Variants in GMPR observed in about 807,000 individuals in gnomAD.
The protein encoded by GMPR is guanosine monophosphate reductase, also known as GMP reductase 1.
A neutral mutation model predicts 38.4 loss-of-function variants in GMPR; 31 were observed. The observed-to-expected ratio is 0.81, with a 90% CI of 0.61 to 1.09. The LOEUF (loss-of-function observed/expected upper bound fraction) is 1.09. GMPR is among the 50% of genes least tolerant of loss of function. The pLI, the probability that GMPR is intolerant of heterozygous loss-of-function variation, is 0.00. For synonymous variants in GMPR, 162 were observed against 173.3 expected, an observed-to-expected ratio of 0.93 and a Z score of 0.51; for missense variants, 468 against 453.7, an observed-to-expected ratio of 1.03 and a Z score of -0.29.
chr6:16,254,728 C>T lies in GMPR; in HGVS notation c.458C>T (p.Thr153Ile), dbSNP rs1205382990. The T allele has an allele frequency of 9.3e-6, 15 of 1,610,442 alleles. No individual in the cohort carries two copies. The highest frequency in any genetic ancestry group is 1.3e-5 in the Non-Finnish European group (15 of 1,176,754). ...KLVRAKFPEH[T>I]IMAGNVVTGE... ...GTCCGTGCCAAATTTCCTGAACACA[C>T]CATTATGGTAAGTACGGTAGAACAT... Residue 153 changes from threonine (T) to isoleucine (I), a missense_variant, in exon 4 of 9, where the codon ACC becomes ATC. Thr to Ile is a moderately conservative substitution (Grantham distance 89). Transcript: ENST00000259727.
At chr6:16,289,092 C>A (rs774062404) in intron 7 of GMPR, among the ~76,000 whole-genome samples, 1 of 152,178 alleles carries the variant, frequency 6.6e-6, no homozygotes, top group African/African-American at 2.4e-5. Flanking sequence ...TCGCTCTTTG[C>A]AATAGATTCT....
At chr6:16,278,714 G>T (rs747136743) in intron 5 of GMPR, 70 bp from the exon 6 acceptor site, 66 of 1,055,872 alleles carry the variant, frequency 6.3e-5, no homozygotes, top group Admixed American at 1.9e-4. Context: ...AAGGTAAGGG[G>T]GACGCATTTC....
chr6:16,285,862 A>AG, intron 7 of GMPR, 27 bp downstream of exon 7: 1 of 1,585,016 alleles, frequency 6.3e-7, no homozygotes, highest in Admixed American at 1.7e-5. Flanking sequence ...GTGCAGAGGG[A>AG]GGGAAGGAAG....
At chr6:16,239,816 G>A (rs201337948) in intron 1 of GMPR, among the ~76,000 whole-genome samples, 2 of 152,254 alleles carry the variant, frequency 1.3e-5, no homozygotes, top group Non-Finnish European at 2.9e-5. Flanking sequence ...GGAAGCCTCC[G>A]CGTTAGCCAA....
At chr6:16,259,359 G>A (rs538483779) in intron 4 of GMPR, 18 of 152,112 alleles carry the variant, frequency 1.2e-4, no homozygotes, top group African/African-American at 3.1e-4. Context: ...GGCAGGAACC[G>A]GCCATCTGGA....
intron 1 of GMPR, among the ~76,000 whole-genome samples, chr6:16,243,353 C>G (rs1486397504): frequency 1.3e-5 from 2 of 152,128 alleles, no homozygotes; most frequent in Non-Finnish European, 2.9e-5. Flanking sequence ...CCCTGCGGCT[C>G]TCTGGTAGCA....
At chr6:16,268,245 A>G (rs1759307018) in intron 4 of GMPR, among the ~76,000 whole-genome samples, 1 of 152,218 alleles carries the variant, frequency 6.6e-6, no homozygotes, top group Non-Finnish European at 1.5e-5. Flanking sequence ...CTGGATAGCA[A>G]CTATTTTTCC....
chr6:16,265,815 T>C (rs1459383650), intron 4 of GMPR, among the ~76,000 whole-genome samples: 1 of 152,240 alleles, frequency 6.6e-6, no homozygotes. Flanking sequence ...TCCGGAACCC[T>C]TCCACGCCAT....
intron 4 of GMPR, among the ~76,000 whole-genome samples, chr6:16,269,959 G>A (rs1015267634): frequency 1.3e-4 from 20 of 152,136 alleles, no homozygotes; most frequent in Admixed American, 1.3e-3. Context: ...ATCTCTCTCA[G>A]TCCTCTCTTA....
chr6:16,266,724 T>G (rs1006307572), intron 4 of GMPR, among the ~76,000 whole-genome samples: 1 of 150,796 alleles, frequency 6.6e-6, no homozygotes, highest in South Asian at 2.1e-4. Context: ...GGCAGGAGAA[T>G]TGCATGAACC....
At chr6:16,268,539 C>T (rs1759315234) in intron 4 of GMPR, among the ~76,000 whole-genome samples, 2 of 152,170 alleles carry the variant, frequency 1.3e-5, no homozygotes, top group South Asian at 4.1e-4. Context: ...CTCAGCCTCC[C>T]AAAGTGTTGG....
At chr6:16,272,070 G>A (rs1759398223) in intron 4 of GMPR, among the ~76,000 whole-genome samples, 1 of 152,088 alleles carries the variant, frequency 6.6e-6, no homozygotes, top group Non-Finnish European at 1.5e-5. Flanking sequence ...AATTAGCCAG[G>A]CAGTGGGGGC....
Position 16,295,265 on chromosome 6 carries a change from T to A in GMPR, c.*79T>A. 1 of 1,087,898 alleles carries A rather than the reference T, an allele frequency of 9.2e-7. No homozygotes were observed. The highest frequency in any genetic ancestry group is 1.3e-6 in the Non-Finnish European group (1 of 790,662). The allele number at this position is 1,087,898 out of a possible 1,614,324, so 67.4% of individuals were successfully genotyped here. ...CCCATCTCCCCCCAAGTCTGTTCCG[T>A]CAGAGCTTCTGGCTGCTCCTGAATG... On this transcript the variant is annotated 3_prime_UTR_variant, in exon 9 of 9. Transcript: ENST00000259727.
chr6:16,293,513 A>T (rs1207386996), intron 8 of GMPR, among the ~76,000 whole-genome samples: 1 of 152,244 alleles, frequency 6.6e-6, no homozygotes, highest in Non-Finnish European at 1.5e-5. Context: ...CCAAGAGTTA[A>T]GCCCCTTTTG....
At chr6:16,258,744 TGG>T in intron 4 of GMPR, among the ~76,000 whole-genome samples, 1 of 152,250 alleles carries the variant, frequency 6.6e-6, no homozygotes, top group East Asian at 1.9e-4. Context: ...CCTTGGTTTT[TGG>T]TGTTTTTGAA....
At chr6:16,261,796 C>A (rs528931361) in intron 4 of GMPR, among the ~76,000 whole-genome samples, 1 of 151,746 alleles carries the variant, frequency 6.6e-6, no homozygotes, top group Non-Finnish European at 1.5e-5. Flanking sequence ...GGTGCATGAT[C>A]GGTCACCAAG....
chr6:16,266,676 T>G (rs553519720), intron 4 of GMPR, among the ~76,000 whole-genome samples: 9 of 151,552 alleles, frequency 5.9e-5, no homozygotes, highest in East Asian at 3.9e-4. Flanking sequence ...CCGGGCGCAG[T>G]GGCGGGCGCC....
In GMPR at chr6:16,246,970, G is replaced by A. The variant is rs909909360; in HGVS notation, c.207+9G>A. Reference sequence around the variant, plus strand: ...CAGCCGTGATGTCACAGGTGAGGCGGTAGGCTTTTGTTTTTTCCCTTTGCT... The same window carrying A: ...CAGCCGTGATGTCACAGGTGAGGCGATAGGCTTTTGTTTTTTCCCTTTGCT... On this transcript the variant is annotated intron_variant, in intron 2 of 8. Coordinates refer to ENST00000259727, the MANE Select transcript of GMPR (RefSeq NM_006877.4). The A allele has an allele frequency of 1.2e-6, 2 of 1,611,710 alleles. No homozygotes were observed. The highest frequency in any genetic ancestry group is 3.4e-5 in the Admixed American group (2 of 59,402).
intron 4 of GMPR, among the ~76,000 whole-genome samples, chr6:16,259,574 C>A (rs1759042628): frequency 6.6e-6 from 1 of 151,802 alleles, no homozygotes; most frequent in Non-Finnish European, 1.5e-5. Context: ...GCGTGGTAAC[C>A]TAGAGTGGGA....
Sources: gnomAD v4.1 joint callset for allele counts (sites outside exome capture counted in the v4.1 genomes callset) on GRCh38, gnomAD v4.1.1 for gene constraint, MANE v1.5 for transcripts, NCBI Gene and HGNC (gene_info 2026-07-23, HGNC 2026-07-21) for gene names.